The following CAMTA1 variants were observed in gnomAD, a reference collection of about 807,000 sequenced individuals.
CAMTA1 encodes calmodulin binding transcription activator 1, also known as calmodulin-binding transcription activator 1.
Under a neutral mutation model 170.9 loss-of-function variants are expected in CAMTA1, and 27 were observed. The observed-to-expected ratio is 0.16, with a 90% CI of 0.12 to 0.22. The LOEUF is 0.22. Ranked by LOEUF, CAMTA1 falls within the 10% of genes least tolerant of loss-of-function variation. The pLI is 1.00. For missense variants in CAMTA1, 1,619 were observed against 2,217.2 expected, an observed-to-expected ratio of 0.73 and a Z score of 5.42; for synonymous variants, 833 against 891.5, an observed-to-expected ratio of 0.93 and a Z score of 1.17.
At chr1:7,457,662 G>A (rs1036149168) in intron 5 of CAMTA1, among the ~76,000 whole-genome samples, 3 of 152,186 alleles carry the variant, frequency 2.0e-5, no homozygotes, top group Admixed American at 6.5e-5. Flanking sequence ...AAGCAATCTA[G>A]AACATTCCTC....
chr1:6,798,221 C>G (rs901473677), intron 1 of CAMTA1, among the ~76,000 whole-genome samples: 1 of 151,994 alleles, frequency 6.6e-6, no homozygotes, highest in Non-Finnish European at 1.5e-5. Context: ...CTCCTGACCT[C>G]AGGTGATTCA....
chr1:7,693,684 T>TC (rs988444927), intron 11 of CAMTA1: 1 of 152,234 alleles, frequency 6.6e-6, no homozygotes, highest in African/African-American at 2.4e-5. Flanking sequence ...ACTGTCCTCT[T>TC]CCCCATGGAA....
At chr1:6,901,265 G>A (rs1372996693) in intron 3 of CAMTA1, among the ~76,000 whole-genome samples, 1 of 152,196 alleles carries the variant, frequency 6.6e-6, no homozygotes, top group Non-Finnish European at 1.5e-5. Context: ...ATAGACCTAA[G>A]TTTAAATCTA....
rs1250699937 is a variant in CAMTA1, at chr1:7,144,935, G to C, written c.302+53564G>C. 1.3e-5 allele frequency among the ~76,000 whole-genome samples: 2 copies of C among 152,248 alleles called. No homozygotes were observed. Among genetic ancestry groups the C allele is most frequent in the Non-Finnish European group, 2.9e-5 (2 of 68,048 alleles). The stretch of plus-strand genomic sequence containing the variant: ...TTTTTCTTCCCATGTTACAAATGCA[G>C]ACAGGAAGGCCGAGTAACCTCTCAA... On this transcript the variant is annotated intron_variant, in intron 4 of 22. Transcript: ENST00000303635. The surrounding 1 kb of genome is among the most constrained non-coding windows in gnomAD (Gnocchi z 4.0).
At chr1:7,284,365 A>G (rs938044245) in intron 5 of CAMTA1, among the ~76,000 whole-genome samples, 1 of 151,634 alleles carries the variant, frequency 6.6e-6, no homozygotes, top group Non-Finnish European at 1.5e-5. Context: ...CACCAGGCCC[A>G]GCTAATTTTT....
intron 1 of CAMTA1, among the ~76,000 whole-genome samples, chr1:6,797,834 A>G (rs938520905): frequency 2.0e-5 from 3 of 152,162 alleles, no homozygotes; most frequent in Non-Finnish European, 2.9e-5. Context: ...TTCTCCTTTC[A>G]GTAGATTTGC....
At chr1:7,474,137 TATTA>T (rs2093380658) in intron 6 of CAMTA1, among the ~76,000 whole-genome samples, 1 of 127,144 alleles carries the variant, frequency 7.9e-6, no homozygotes, top group African/African-American at 3.0e-5. Flanking sequence ...AAGAAGCACC[TATTA>T]GCTGTGTGAC....
At chr1:7,179,920 A>G (rs1423743829) in intron 4 of CAMTA1, among the ~76,000 whole-genome samples, 1 of 152,232 alleles carries the variant, frequency 6.6e-6, no homozygotes, top group East Asian at 1.9e-4. Context: ...ATGAAAGAAC[A>G]GTAGACCTGA....
At chr1:7,509,352 T>TC (rs2094168120) in intron 6 of CAMTA1, among the ~76,000 whole-genome samples, 2 of 152,146 alleles carry the variant, frequency 1.3e-5, no homozygotes, top group Admixed American at 1.3e-4. Context: ...AGAGCTGCCT[T>TC]CCCCAGAGCC....
chr1:7,694,412 C>T (rs1350949200), intron 11 of CAMTA1: 1 of 152,236 alleles, frequency 6.6e-6, no homozygotes, highest in Non-Finnish European at 1.5e-5. Context: ...AACTAAATTA[C>T]AGATCAGTCC....
chr1:7,070,140 C>T (rs1170901068), intron 3 of CAMTA1, among the ~76,000 whole-genome samples: 1 of 152,210 alleles, frequency 6.6e-6, no homozygotes, highest in East Asian at 1.9e-4. Flanking sequence ...AGCCGCCAGC[C>T]TCAGGGGCTG....
At chr1:6,923,080 A>T (rs1682371545) in intron 3 of CAMTA1, among the ~76,000 whole-genome samples, 1 of 152,194 alleles carries the variant, frequency 6.6e-6, no homozygotes, top group African/African-American at 2.4e-5. Flanking sequence ...TAGATAAATG[A>T]TCAGTAAAAG....
At chr1:7,655,104 A>C (rs2095879511) in intron 7 of CAMTA1, among the ~76,000 whole-genome samples, 1 of 8,056 alleles carries the variant, frequency 1.2e-4, no homozygotes, top group African/African-American at 1.3e-3. Flanking sequence ...ACACACACCT[A>C]TACACACACC....
intron 3 of CAMTA1, among the ~76,000 whole-genome samples, chr1:7,027,683 C>T (rs984138354): frequency 6.6e-6 from 1 of 152,100 alleles, no homozygotes; most frequent in Non-Finnish European, 1.5e-5. Context: ...TGGCACGACC[C>T]CTCATGCAAA....
At chr1:6,902,987 A>G (rs1243285514) in intron 3 of CAMTA1, among the ~76,000 whole-genome samples, 1 of 152,246 alleles carries the variant, frequency 6.6e-6, no homozygotes, top group East Asian at 1.9e-4. Context: ...GAAAATGAAA[A>G]TATATGTTCC....
chr1:7,730,035 T>G (rs1465619404), intron 11 of CAMTA1, among the ~76,000 whole-genome samples: 1 of 152,240 alleles, frequency 6.6e-6, no homozygotes, highest in Non-Finnish European at 1.5e-5. Flanking sequence ...TCAGTCAGCT[T>G]CCACAGACAT....
rs1453895231 is a variant in CAMTA1, at chr1:7,251,573, G to A, written c.438+1947G>A. Among the ~76,000 whole-genome samples the A allele has an allele frequency of 6.6e-6, 1 of 152,170 alleles. No individual in the cohort carries two copies. Among genetic ancestry groups the A allele is most frequent in the Non-Finnish European group, 1.5e-5 (1 of 68,036 alleles). Reference sequence around the variant, plus strand: ...GCCTTGCCCGTGAGCTCAGCGAGTTGTCCCACTGAGCCACTCAGCAGATAT... The same window carrying A: ...GCCTTGCCCGTGAGCTCAGCGAGTTATCCCACTGAGCCACTCAGCAGATAT... On this transcript the variant is annotated intron_variant, in intron 5 of 22. Transcript: ENST00000303635. This position sits in a 1 kb window ranked among gnomAD's most constrained non-coding sequence, Gnocchi z 5.1.
At chr1:7,029,239 C>T (rs956374524) in intron 3 of CAMTA1, among the ~76,000 whole-genome samples, 9 of 151,998 alleles carry the variant, frequency 5.9e-5, no homozygotes, top group East Asian at 1.9e-4. Context: ...CGCTGGCTCA[C>T]GCCTGTAATC....
chr1:6,995,680 C>T (rs754271471), intron 3 of CAMTA1, among the ~76,000 whole-genome samples: 2 of 152,074 alleles, frequency 1.3e-5, no homozygotes, highest in Admixed American at 1.3e-4. Context: ...ACTAACAGAT[C>T]GGGAGATGAT....
Sources: gnomAD v4.1 joint callset for allele counts (sites outside exome capture counted in the v4.1 genomes callset) on GRCh38, gnomAD v4.1.1 for gene constraint, Gnocchi (gnomAD v3.1) non-coding constraint, MANE v1.5 for transcripts, NCBI Gene and HGNC (gene_info 2026-07-23, HGNC 2026-07-21) for gene names.